XPR1: variants seen among roughly 807,000 people sequenced by gnomAD.
XPR1 encodes the protein solute carrier family 53 member 1.
In XPR1, 28 loss-of-function variants were observed where a neutral mutation model predicts 87.5. The observed-to-expected ratio is 0.32, with a 90% CI of 0.24 to 0.44. The LOEUF is 0.44. Ranked by LOEUF, XPR1 falls within the 20% of genes least tolerant of loss-of-function variation. The probability of loss-of-function intolerance (pLI) is 1.00; values close to 1 mark genes in which losing one functional copy is unlikely to be tolerated. For missense variants in XPR1, 559 were observed against 862.3 expected, an observed-to-expected ratio of 0.65 and a Z score of 4.41; for synonymous variants, 300 against 306.1, an observed-to-expected ratio of 0.98 and a Z score of 0.21.
chr1:180,856,977 G>T (rs565208036), intron 11 of XPR1, among the ~76,000 whole-genome samples: 2 of 152,224 alleles, frequency 1.3e-5, no homozygotes, highest in East Asian at 3.9e-4. Context: ...ATACAAACTG[G>T]ATCTTGAAGA....
chr1:180,716,479 T>G (rs73034843), intron 2 of XPR1, among the ~76,000 whole-genome samples: 2,560 of 152,350 alleles, frequency 0.017, 80 homozygotes, highest in African/African-American at 0.056. Context: ...TTTACCTATT[T>G]TGTATTTTAT....
At chr1:180,743,688 A>C (rs997998671) in intron 2 of XPR1, among the ~76,000 whole-genome samples, 1 of 152,168 alleles carries the variant, frequency 6.6e-6, no homozygotes, top group Non-Finnish European at 1.5e-5. Context: ...ACTGGCTACA[A>C]ATTCTCTTAG....
At chr1:180,688,828 C>T (rs981159863) in intron 2 of XPR1, among the ~76,000 whole-genome samples, 7 of 152,070 alleles carry the variant, frequency 4.6e-5, no homozygotes, top group African/African-American at 9.7e-5. Flanking sequence ...AATTAATCTA[C>T]GTGGGTAAAT....
intron 7 of XPR1, among the ~76,000 whole-genome samples, chr1:180,819,957 G>T (rs1650563111): frequency 1.3e-5 from 2 of 151,356 alleles, no homozygotes; most frequent in South Asian, 4.2e-4. Flanking sequence ...GAGGGGGAGG[G>T]TGCAGTGAGC....
At chr1:180,664,721 G>C (rs1432547374) in intron 1 of XPR1, among the ~76,000 whole-genome samples, 1 of 152,214 alleles carries the variant, frequency 6.6e-6, no homozygotes, top group Non-Finnish European at 1.5e-5. Flanking sequence ...TCCTGCCTAA[G>C]AGTTGCAGTC....
At chr1:180,853,667 A>C (rs113849636) in intron 11 of XPR1, among the ~76,000 whole-genome samples, 53 of 133,078 alleles carry the variant, frequency 4.0e-4, no homozygotes, top group African/African-American at 1.1e-3. Flanking sequence ...ACACACACAC[A>C]CCCTACCTCT....
At chr1:180,864,228 C>G (rs552468770) in intron 12 of XPR1, among the ~76,000 whole-genome samples, 6 of 152,160 alleles carry the variant, frequency 3.9e-5, no homozygotes, top group African/African-American at 1.4e-4. Context: ...GTCTGAAACA[C>G]TCTCTCTCGT....
chr1:180,735,110 A>G (rs952634055), intron 2 of XPR1, among the ~76,000 whole-genome samples: 2 of 152,232 alleles, frequency 1.3e-5, no homozygotes, highest in African/African-American at 4.8e-5. Flanking sequence ...TTTGAAGTGC[A>G]GAAACACACT....
At chr1:180,778,331 T>C (rs890205689) in intron 2 of XPR1, among the ~76,000 whole-genome samples, 1 of 152,178 alleles carries the variant, frequency 6.6e-6, no homozygotes, top group Non-Finnish European at 1.5e-5. Context: ...TCCTCATCTT[T>C]CTGCTGTCAT....
chr1:180,692,309 C>G (rs1406563155), intron 2 of XPR1, among the ~76,000 whole-genome samples: 1 of 151,954 alleles, frequency 6.6e-6, no homozygotes, highest in Admixed American at 6.6e-5. Context: ...AGTGGTAGAT[C>G]TATCTGTAGG....
chr1:180,666,946 C>T (rs1021448380), intron 1 of XPR1, among the ~76,000 whole-genome samples: 2 of 151,404 alleles, frequency 1.3e-5, no homozygotes, highest in Non-Finnish European at 2.9e-5. Context: ...GACAAGGTCT[C>T]ACTCTGTCAC....
At chr1:180,841,909 C>T (rs1374807094) in intron 11 of XPR1, among the ~76,000 whole-genome samples, 1 of 151,944 alleles carries the variant, frequency 6.6e-6, no homozygotes, top group Non-Finnish European at 1.5e-5. Context: ...GAACCATTGA[C>T]AGAAAATTTG....
chr1:180,657,587 A>G (rs1185628449), intron 1 of XPR1, among the ~76,000 whole-genome samples: 2 of 152,146 alleles, frequency 1.3e-5, no homozygotes, highest in East Asian at 1.9e-4. Context: ...TTTGTTGAAA[A>G]TGAGTTCAGT....
At chr1:180,755,362 T>C (rs1001060927) in intron 2 of XPR1, among the ~76,000 whole-genome samples, 8 of 152,234 alleles carry the variant, frequency 5.3e-5, no homozygotes, top group African/African-American at 1.9e-4. Context: ...ATTTTACATT[T>C]ATTTCTGCAT....
intron 2 of XPR1, among the ~76,000 whole-genome samples, chr1:180,714,733 C>T (rs933509162): frequency 6.6e-6 from 1 of 151,914 alleles, no homozygotes; most frequent in African/African-American, 2.4e-5. Context: ...ATTTCCTCTT[C>T]GATTGTTACT....
chr1:180,820,549 A>G (rs753800013), intron 7 of XPR1, among the ~76,000 whole-genome samples: 10 of 152,096 alleles, frequency 6.6e-5, no homozygotes, highest in Admixed American at 1.3e-4. Context: ...GGTTATTTCT[A>G]TCTTTTGGCT....
intron 11 of XPR1, among the ~76,000 whole-genome samples, chr1:180,856,440 C>G (rs1652036115): frequency 6.6e-6 from 1 of 152,170 alleles, no homozygotes; most frequent in Admixed American, 6.5e-5. Context: ...TTGATGGTTG[C>G]AACCACTGTC....
chr1:180,785,764 G>A (rs1217275706), intron 2 of XPR1, among the ~76,000 whole-genome samples: 6 of 151,642 alleles, frequency 4.0e-5, no homozygotes, highest in South Asian at 4.2e-4. Context: ...CAGTAAATAC[G>A]ACCAAGCCCA....
At chr1:180,723,584 TAG>T (rs1465724952) in intron 2 of XPR1, among the ~76,000 whole-genome samples, 1 of 152,172 alleles carries the variant, frequency 6.6e-6, no homozygotes, top group Non-Finnish European at 1.5e-5. Context: ...CCCATCTGGT[TAG>T]AGACTAGATG....
Sources: gnomAD v4.1 joint callset for allele counts (sites outside exome capture counted in the v4.1 genomes callset) on GRCh38, gnomAD v4.1.1 for gene constraint, MANE v1.5 for transcripts, NCBI Gene and HGNC (gene_info 2026-07-23, HGNC 2026-07-21) for gene names.